The following USP40 variants were observed in gnomAD, a reference collection of about 807,000 sequenced individuals.
USP40 encodes ubiquitin carboxyl-terminal hydrolase 40.
Under a neutral mutation model 166.2 loss-of-function variants are expected in USP40, and 143 were observed. That is an observed-to-expected ratio of 0.86 (90% CI 0.75 to 0.99). The LOEUF (loss-of-function observed/expected upper bound fraction) is 0.99, where lower values mean the gene tolerates loss of function less well. USP40 is among the 50% of genes least tolerant of loss of function. USP40 has a pLI of 0.00. For synonymous variants in USP40, 498 were observed against 524.0 expected, an observed-to-expected ratio of 0.95 and a Z score of 0.68; for missense variants, 1,444 against 1,479.7, an observed-to-expected ratio of 0.98 and a Z score of 0.40.
chr2:233,556,807 T>C, intron 5 of USP40, 48 bp downstream of exon 5: 2 of 1,526,818 alleles, frequency 1.3e-6, no homozygotes, highest in Non-Finnish European at 1.8e-6. Flanking sequence ...ATTACATGGA[T>C]TATAATTTAC....
chr2:233,513,184 C>T (rs2066948736), intron 18 of USP40, among the ~76,000 whole-genome samples: 1 of 151,872 alleles, frequency 6.6e-6, no homozygotes, highest in Non-Finnish European at 1.5e-5. Flanking sequence ...CTGTGGCAAA[C>T]TGTCATACTC....
At chr2:233,542,528 A>C (rs1358732113) in intron 8 of USP40, 165 bp from the exon 9 acceptor site, 1 of 547,116 alleles carries the variant, frequency 1.8e-6, no homozygotes, top group Non-Finnish European at 3.3e-6. Context: ...TGGGCAACAT[A>C]GAGAGACCAG....
At chr2:233,496,097 G>C (rs1289247587) in intron 24 of USP40, among the ~76,000 whole-genome samples, 1 of 152,226 alleles carries the variant, frequency 6.6e-6, no homozygotes. Context: ...GTGTAGGAGT[G>C]ATTTCTGCTT....
At chr2:233,521,223 T>C in intron 16 of USP40, 109 bp from the exon 17 acceptor site, 2 of 1,281,880 alleles carry the variant, frequency 1.6e-6, no homozygotes, top group South Asian at 1.8e-5. Flanking sequence ...CAAGTTCTAC[T>C]GAGTCGTCTC....
intron 8 of USP40, chr2:233,545,909 C>G (rs1040416929): frequency 7.9e-5 from 12 of 152,316 alleles, no homozygotes; most frequent in Non-Finnish European, 1.5e-5. Context: ...ATATCTACTG[C>G]AGGTGAAATT....
rs1405366180 is a variant in USP40 at position 233,510,074 on chromosome 2, A to G, written c.2588T>C (p.Val863Ala). Residue 863 changes from valine to alanine, a missense_variant, in exon 21 of 32, where the codon GTA becomes GCA. Transcript: ENST00000678225. ...VQPGTEMEIV[V>A]EETISVRDCL... ...ATCTCTCACAGATATTGTTTCTTCT[A>G]CTACGATTTCCATTTCTGTCCCAGG... is the stretch of plus-strand genomic sequence containing the variant. 1 of 1,598,436 alleles carries G rather than the reference A, an allele frequency of 6.3e-7. No individual in the cohort carries two copies. The highest frequency in any genetic ancestry group is 8.5e-7 in the Non-Finnish European group (1 of 1,171,624).
At chr2:233,488,711 C>T (rs1007171794) in intron 27 of USP40, among the ~76,000 whole-genome samples, 6 of 152,094 alleles carry the variant, frequency 3.9e-5, no homozygotes, top group South Asian at 2.1e-4. Flanking sequence ...GCTAGGAGTT[C>T]GCGACCAGAC....
At chr2:233,544,776 G>GA (rs1297267170) in intron 8 of USP40, among the ~76,000 whole-genome samples, 2 of 151,900 alleles carry the variant, frequency 1.3e-5, no homozygotes, top group Non-Finnish European at 2.9e-5. Context: ...CCACGACCTA[G>GA]AAAAAAAATC....
Position 233,493,298 on chromosome 2 carries a change from T to G in USP40, c.2917+127A>C. ...TGATGTCTGGAATGACTTATGAAAT[T>G]AATAGGTCTTGATTTTCAAGATCTT... On this transcript the variant is annotated intron_variant, in intron 25 of 31. Coordinates refer to ENST00000678225, the MANE Select transcript of USP40 (RefSeq NM_001365479.2). This position sits in a 1 kb window ranked among gnomAD's most constrained non-coding sequence, Gnocchi z 4.7. 1 of 1,316,960 alleles carries G rather than the reference T, an allele frequency of 7.6e-7. No individual in the cohort carries two copies. The allele number at this position is 1,316,960 out of a possible 1,614,324, so 81.6% of individuals were successfully genotyped here.
At chr2:233,543,652 C>T (rs185384237) in intron 8 of USP40, among the ~76,000 whole-genome samples, 1 of 152,300 alleles carries the variant, frequency 6.6e-6, no homozygotes, top group South Asian at 2.1e-4. Context: ...TGTGAGGACA[C>T]AGCAAGAAAG....
intron 17 of USP40, among the ~76,000 whole-genome samples, chr2:233,520,776 C>T (rs1254229942): frequency 6.6e-6 from 1 of 152,050 alleles, no homozygotes; most frequent in African/African-American, 2.4e-5. Context: ...TAATTCTAGG[C>T]TTTGGAGGAA....
intron 27 of USP40, among the ~76,000 whole-genome samples, 154 bp downstream of exon 27, chr2:233,489,211 T>C (rs1461287507): frequency 1.3e-5 from 2 of 152,240 alleles, no homozygotes; most frequent in Admixed American, 6.5e-5. Flanking sequence ...CTGGAGTTTA[T>C]GATGAAAAGT....
chr2:233,483,307 C>T (rs1357038318), intron 30 of USP40, among the ~76,000 whole-genome samples: 9 of 152,060 alleles, frequency 5.9e-5, no homozygotes, highest in Admixed American at 2.6e-4. Flanking sequence ...CTGGGCAACA[C>T]GGCATAACCC....
chr2:233,489,935 A>T (rs2065209990), intron 26 of USP40: 1 of 157,666 alleles, frequency 6.3e-6, no homozygotes, highest in South Asian at 1.9e-4. Context: ...AGTATTTCAA[A>T]ATCTTTGGCT....
chr2:233,556,826 T>G (rs751348785), intron 5 of USP40, 29 bp downstream of exon 5: 1 of 1,588,028 alleles, frequency 6.3e-7, no homozygotes, highest in Non-Finnish European at 8.6e-7. Flanking sequence ...ACAACATAAC[T>G]TATTACTAAA....
At chr2:233,485,031 TA>T (rs1469918367) in intron 30 of USP40, among the ~76,000 whole-genome samples, 1 of 152,210 alleles carries the variant, frequency 6.6e-6, no homozygotes, top group Non-Finnish European at 1.5e-5. Flanking sequence ...TGCATCAGGT[TA>T]AGGCGTTTCC....
chr2:233,496,842 C>A lies in USP40; in HGVS notation c.2716-10G>T. The A allele has an allele frequency of 1.2e-6, 2 of 1,609,896 alleles. No homozygotes were observed. The highest frequency in any genetic ancestry group is 1.7e-6 in the Non-Finnish European group (2 of 1,178,314). On this transcript the variant is annotated splice_polypyrimidine_tract_variant and intron_variant, in intron 23 of 31. Transcript: ENST00000678225. Reference sequence around the variant, plus strand: ...CTTTCAGTGTTGCATCCTGGGAAGACAAAAATGCTTTTTTGTCACTTATGA... The same window carrying A: ...CTTTCAGTGTTGCATCCTGGGAAGAAAAAAATGCTTTTTTGTCACTTATGA...
chr2:233,566,767 C>T lies in USP40; in HGVS notation c.-103G>A. 1.0e-6 allele frequency: 1 copy of T among 985,942 alleles called. No individual in the cohort carries two copies. Among genetic ancestry groups the T allele is most frequent in the Non-Finnish European group, 1.2e-6 (1 of 829,964 alleles). 61.1% of individuals were successfully genotyped at this position (985,942 alleles called of 1,614,324 possible). ...CTGGGCGCCGCCATGTTGGCGAGGG[C>T]GGGTCTCCAGAAAGTGATTTATGGA... On this transcript the variant is annotated 5_prime_UTR_variant, in exon 1 of 32. Transcript: ENST00000678225.
chr2:233,539,146 A>C (rs1236284881), intron 10 of USP40, among the ~76,000 whole-genome samples: 1 of 152,206 alleles, frequency 6.6e-6, no homozygotes, highest in Non-Finnish European at 1.5e-5. Flanking sequence ...TTTTTTTAAA[A>C]AAATGAGACA....
Sources: allele counts gnomAD v4.1 joint callset (sites outside exome capture counted in the v4.1 genomes callset), GRCh38; gene constraint gnomAD v4.1.1; non-coding constraint Gnocchi (gnomAD v3.1); transcripts MANE v1.5; gene names NCBI Gene and HGNC (gene_info 2026-07-23, HGNC 2026-07-21).